The following RBM6 variants were observed in gnomAD, a reference collection of about 807,000 sequenced individuals.
The protein encoded by RBM6 is RNA-binding protein 6.
A neutral mutation model predicts 140.4 loss-of-function variants in RBM6; 23 were observed. The observed-to-expected ratio is 0.16, with a 90% CI of 0.12 to 0.23. The LOEUF (loss-of-function observed/expected upper bound fraction) is 0.23, where lower values mean the gene tolerates loss of function less well. Among genes scored for constraint, RBM6 ranks in the 10% least tolerant of loss-of-function variants. RBM6 has a pLI of 1.00. For synonymous variants in RBM6, 439 were observed against 475.6 expected (o/e 0.92, Z 1.00); for missense variants, 1,139 against 1,386.7 (o/e 0.82, Z 2.84).
chr3:50,050,370 A>G (rs1336058932), intron 7 of RBM6, among the ~76,000 whole-genome samples: 1 of 152,156 alleles, frequency 6.6e-6, no homozygotes, highest in Non-Finnish European at 1.5e-5. Context: ...GAGTTCATGT[A>G]TGTTGCAGTA....
intron 16 of RBM6, among the ~76,000 whole-genome samples, chr3:50,065,368 T>C (rs1278546006): frequency 6.6e-6 from 1 of 152,246 alleles, no homozygotes; most frequent in African/African-American, 2.4e-5. Flanking sequence ...CCCTGTGCCA[T>C]TCTTACCAGA....
chr3:50,061,869 T>G, intron 14 of RBM6, 93 bp from the exon 15 acceptor site: 1 of 1,481,688 alleles, frequency 6.7e-7, no homozygotes, highest in Non-Finnish European at 9.0e-7. Context: ...AAAAGTTGTT[T>G]CTTCCCCTAA....
intron 1 of RBM6, among the ~76,000 whole-genome samples, chr3:49,956,328 C>CTTTTT (rs34467093): frequency 9.0e-4 from 65 of 72,012 alleles, no homozygotes; most frequent in South Asian, 1.4e-3. Flanking sequence ...CCCTCCCCCG[C>CTTTTT]TTTTTTTTTT....
intron 2 of RBM6, among the ~76,000 whole-genome samples, chr3:49,964,964 G>T (rs1362089236): frequency 1.3e-5 from 2 of 152,014 alleles, no homozygotes; most frequent in African/African-American, 4.8e-5. Flanking sequence ...CAGTTTTTGG[G>T]AACTAATTTG....
chr3:49,962,766 A>G lies in RBM6; in HGVS notation c.44+81A>G, dbSNP rs1575560283. 1.7e-5 allele frequency: 22 copies of G among 1,312,468 alleles called. No homozygotes were observed. In the East Asian group the frequency reaches 5.8e-4, roughly 34 times the overall value. 81.3% of individuals were successfully genotyped at this position (1,312,468 alleles called of 1,614,324 possible). A position where few individuals can be genotyped will look rare whatever the true frequency, so the allele number is the denominator to read the frequency against. ...ACATTTTCGCCTACTATAAATGAAG[A>G]TATTTTCTCTGTGGAGAAATAGTTT... is the stretch of plus-strand genomic sequence containing the variant. On this transcript the variant is annotated intron_variant, in intron 2 of 20. Transcript: ENST00000266022.
chr3:49,961,810 A>T (rs1361373263), intron 1 of RBM6, among the ~76,000 whole-genome samples: 1 of 151,448 alleles, frequency 6.6e-6, no homozygotes, highest in Non-Finnish European at 1.5e-5. Context: ...AAAAAAAAAA[A>T]AAAAGTATTT....
chr3:50,039,755 A>G (rs1243885091), intron 6 of RBM6, among the ~76,000 whole-genome samples: 2 of 152,200 alleles, frequency 1.3e-5, no homozygotes, highest in African/African-American at 4.8e-5. Context: ...AGATTCTGTG[A>G]TGAAGGAATT....
At chr3:50,000,146 T>C (rs149345379) in intron 6 of RBM6, among the ~76,000 whole-genome samples, 110 of 152,306 alleles carry the variant, frequency 7.2e-4, no homozygotes, top group African/African-American at 2.6e-3. Flanking sequence ...CTGGAGTTAC[T>C]CAGCTTGCCA....
intron 4 of RBM6, among the ~76,000 whole-genome samples, chr3:49,974,103 T>C (rs1268329464): frequency 6.6e-6 from 1 of 151,714 alleles, no homozygotes; most frequent in Non-Finnish European, 1.5e-5. Context: ...TTCACCGTGT[T>C]AGCTAGGATG....
chr3:50,018,344 G>A (rs1309603868), intron 6 of RBM6, among the ~76,000 whole-genome samples: 1 of 152,076 alleles, frequency 6.6e-6, no homozygotes, highest in Admixed American at 6.6e-5. Flanking sequence ...ATTCCTCTAT[G>A]TCTTTTTGTG....
intron 14 of RBM6, 119 bp from the exon 15 acceptor site, chr3:50,061,843 T>A: frequency 7.3e-7 from 1 of 1,365,556 alleles, no homozygotes; most frequent in South Asian, 1.5e-5. Flanking sequence ...TGGACTCTTC[T>A]TAGACTTGTA....
In RBM6 at chr3:50,077,186, T is replaced by C; in HGVS notation, c.*53T>C. On this transcript the variant is annotated 3_prime_UTR_variant, in exon 21 of 21. Transcript: ENST00000266022. ...ACCTCCCTCTTGTTTTGTTTGTCTCTCCTTTTCTTTTGTTACTGTTCTTGC... is the reference window on the plus strand; with the variant it reads ...ACCTCCCTCTTGTTTTGTTTGTCTCCCCTTTTCTTTTGTTACTGTTCTTGC... 2 of 1,542,422 alleles carry C rather than the reference T, an allele frequency of 1.3e-6. No individual in the cohort carries two copies. Among genetic ancestry groups the C allele is most frequent in the Non-Finnish European group, 1.7e-6 (2 of 1,143,222 alleles).
At chr3:50,041,136 G>C (rs980123634) in intron 6 of RBM6, among the ~76,000 whole-genome samples, 7 of 152,186 alleles carry the variant, frequency 4.6e-5, no homozygotes, top group Non-Finnish European at 8.8e-5. Flanking sequence ...AGTTTTTGTT[G>C]TGCTTTCATC....
chr3:50,017,107 T>C (rs2108783226), intron 6 of RBM6, among the ~76,000 whole-genome samples: 1 of 152,340 alleles, frequency 6.6e-6, no homozygotes, highest in South Asian at 2.1e-4. Flanking sequence ...ATTACCAGCA[T>C]GAACCACTAT....
At chr3:50,011,360 G>A (rs2086841867) in intron 6 of RBM6, among the ~76,000 whole-genome samples, 1 of 152,206 alleles carries the variant, frequency 6.6e-6, no homozygotes, top group South Asian at 2.1e-4. Context: ...TTTATGCTCA[G>A]TAAGGTTGAA....
At chr3:50,052,843 G>C (rs1284966781) in intron 7 of RBM6, among the ~76,000 whole-genome samples, 1 of 152,112 alleles carries the variant, frequency 6.6e-6, no homozygotes, top group African/African-American at 2.4e-5. Context: ...GGCTCCTAAG[G>C]CTTCTCTTAG....
chr3:49,993,584 A>G (rs749426242), intron 5 of RBM6, among the ~76,000 whole-genome samples: 10 of 152,010 alleles, frequency 6.6e-5, no homozygotes, highest in Non-Finnish European at 1.2e-4. Context: ...GGTAGTTGCA[A>G]TGAGCCGAGA....
At chr3:50,070,758 C>T (rs542911592) in intron 19 of RBM6, among the ~76,000 whole-genome samples, 5 of 152,338 alleles carry the variant, frequency 3.3e-5, no homozygotes, top group South Asian at 4.1e-4. Flanking sequence ...CTGGCAGCTT[C>T]GCCTTCCCAA....
At chr3:50,050,078 T>C (rs1356098470) in intron 7 of RBM6, among the ~76,000 whole-genome samples, 1 of 152,116 alleles carries the variant, frequency 6.6e-6, no homozygotes, top group Non-Finnish European at 1.5e-5. Flanking sequence ...CATGGCTCAC[T>C]GTACCCTTGA....
Sources: allele counts gnomAD v4.1 joint callset (sites outside exome capture counted in the v4.1 genomes callset), GRCh38; gene constraint gnomAD v4.1.1; transcripts MANE v1.5; gene names NCBI Gene and HGNC (gene_info 2026-07-23, HGNC 2026-07-21).